The following WWC1 variants were observed in gnomAD, a reference collection of about 807,000 sequenced individuals.
WWC1 encodes the protein WW and C2 domain containing 1.
A neutral mutation model predicts 138.4 loss-of-function variants in WWC1; 55 were observed. That is an observed-to-expected ratio of 0.40 (90% CI 0.32 to 0.50). WWC1 has a LOEUF of 0.50. Among genes scored for constraint, WWC1 ranks in the 20% least tolerant of loss-of-function variants. The pLI is 0.72. For missense variants in WWC1, 1,226 were observed against 1,420.4 expected, an observed-to-expected ratio of 0.86 and a Z score of 2.20; for synonymous variants, 524 against 564.9, an observed-to-expected ratio of 0.93 and a Z score of 1.03.
chr5:168,415,815 C>CGGGTGTGTGTGTGT, intron 9 of WWC1: 1 of 6,564 alleles, frequency 1.5e-4, no homozygotes, highest in Non-Finnish European at 2.3e-4. Context: ...GGGGGGGGGG[C>CGGGTGTGTGTGTGT]GTGTGTGTGT....
intron 1 of WWC1, among the ~76,000 whole-genome samples, chr5:168,362,124 CATTT>C (rs1360979306): frequency 2.0e-5 from 3 of 149,020 alleles, no homozygotes; most frequent in African/African-American, 7.3e-5. Flanking sequence ...GAATCACTCA[CATTT>C]ATCAAGCACT....
At chr5:168,446,837 C>A (rs960687396) in intron 17 of WWC1, among the ~76,000 whole-genome samples, 2 of 152,206 alleles carry the variant, frequency 1.3e-5, no homozygotes, top group African/African-American at 2.4e-5. Flanking sequence ...AAGGAACGTT[C>A]CTCACTACTG....
At chr5:168,325,291 G>T (rs535493459) in intron 1 of WWC1, among the ~76,000 whole-genome samples, 1 of 152,208 alleles carries the variant, frequency 6.6e-6, no homozygotes, top group Non-Finnish European at 1.5e-5. Flanking sequence ...CCAAGCTCAC[G>T]TGTGATGCCA....
intron 9 of WWC1, 108 bp from the exon 10 acceptor site, chr5:168,421,900 A>G: frequency 2.3e-6 from 2 of 882,662 alleles, no homozygotes; most frequent in Non-Finnish European, 1.8e-6. Flanking sequence ...GCCGTGGTCA[A>G]ATGCTTTACG....
In WWC1 at chr5:168,292,695, G is replaced by A. The variant is rs71603855; in HGVS notation, c.119+424G>A. ...GTGGGGGGTGGGCGGATGGGGATGG[G>A]GAAGTGTCCGGTTAGAGGGGGTGGT... On this transcript the variant is annotated intron_variant, in intron 1 of 22. Coordinates refer to ENST00000265293, the MANE Select transcript of WWC1 (RefSeq NM_015238.3). The surrounding 1 kb of genome is among the most constrained non-coding windows in gnomAD (Gnocchi z 4.4). 1.0e-3 allele frequency among the ~76,000 whole-genome samples: 158 copies of A among 152,280 alleles called. No individual in the cohort carries two copies. The highest frequency in any genetic ancestry group is 7.9e-3 in the South Asian group (38 of 4,818).
At chr5:168,415,107 G>C (rs969160054) in intron 9 of WWC1, 1 of 162,336 alleles carries the variant, frequency 6.2e-6, no homozygotes, top group Non-Finnish European at 1.4e-5. Context: ...ACACTGGTCT[G>C]GATAGGGGTT....
At chr5:168,308,045 A>G (rs993805443) in intron 1 of WWC1, among the ~76,000 whole-genome samples, 2 of 152,306 alleles carry the variant, frequency 1.3e-5, no homozygotes, top group Admixed American at 6.5e-5. Context: ...GGTCTGCAGC[A>G]TTCCTGCTTG....
chr5:168,445,308 CAAAAG>C (rs919665713), intron 17 of WWC1, among the ~76,000 whole-genome samples: 1 of 150,928 alleles, frequency 6.6e-6, no homozygotes, highest in African/African-American at 2.4e-5. Context: ...AGCAAAAAAA[CAAAAG>C]AAAGAAGAAG....
chr5:168,386,588 G>A (rs1778068716), intron 3 of WWC1, among the ~76,000 whole-genome samples: 1 of 151,666 alleles, frequency 6.6e-6, no homozygotes, highest in Non-Finnish European at 1.5e-5. Flanking sequence ...GTAGAGACGG[G>A]GTTTCACTGT....
chr5:168,357,501 C>CGT (rs1561653148), intron 1 of WWC1, among the ~76,000 whole-genome samples: 5 of 140,566 alleles, frequency 3.6e-5, no homozygotes, highest in Non-Finnish European at 7.4e-5. Flanking sequence ...TGTGCGCGCG[C>CGT]GCACGCATGC....
chr5:168,365,668 G>C (rs1034335086), intron 1 of WWC1, among the ~76,000 whole-genome samples: 25 of 152,286 alleles, frequency 1.6e-4, no homozygotes, highest in African/African-American at 5.3e-4. Context: ...CCCCGGGGTG[G>C]CTCTCCCCGA....
At chr5:168,413,681 A>G (rs890613243) in intron 8 of WWC1, among the ~76,000 whole-genome samples, 2 of 152,196 alleles carry the variant, frequency 1.3e-5, no homozygotes, top group Admixed American at 6.5e-5. Flanking sequence ...TCTGACCCCA[A>G]ATCCACAGTT....
chr5:168,458,078 G>A (rs193129458), intron 19 of WWC1, among the ~76,000 whole-genome samples: 5 of 152,306 alleles, frequency 3.3e-5, no homozygotes, highest in Admixed American at 1.3e-4. Flanking sequence ...TGGGAGGTTG[G>A]CTTTGTTTCC....
In WWC1 at chr5:168,464,745, C is replaced by A; in HGVS notation, c.2933C>A (p.Ser978Ter). The A allele has an allele frequency of 6.2e-7, 1 of 1,614,154 alleles. No homozygotes were observed. Among genetic ancestry groups the A allele is most frequent in the Non-Finnish European group, 8.5e-7 (1 of 1,180,036 alleles). The stretch of plus-strand genomic sequence containing the variant: ...CCCCCACAGCCTTCCTCGGTCAAGT[C>A]GCTGCGCTCCGAGCGTCTGATCCGT... ...VRMKRPSSVK[S>*]LRSERLIRTS... The change falls in exon 21 of 23, where the codon TCG becomes TAG. Residue 978 changes from serine (S) to a stop codon, truncating the protein, a stop_gained. Transcript: ENST00000265293. LOFTEE classifies it high-confidence loss of function.
chr5:168,424,125 T>A lies in WWC1; in HGVS notation c.1810+57T>A, dbSNP rs1384181608. 2.9e-5 allele frequency: 44 copies of A among 1,523,216 alleles called. No homozygotes were observed. In the South Asian group the frequency reaches 5.0e-4, roughly 17 times the overall value. 94.4% of individuals were successfully genotyped at this position (1,523,216 alleles called of 1,614,324 possible). The stretch of plus-strand genomic sequence containing the variant: ...CAGGAGGAGGGAAAGAGATACTCTG[T>A]GCTCAGAACCCCCCAGTGATCATTC... On this transcript the variant is annotated intron_variant, in intron 11 of 22. Transcript: ENST00000265293.
chr5:168,356,102 G>A (rs1240303758), intron 1 of WWC1, among the ~76,000 whole-genome samples: 1 of 152,238 alleles, frequency 6.6e-6, no homozygotes, highest in Non-Finnish European at 1.5e-5. Flanking sequence ...GTAGGACATG[G>A]AGAGTGAACA....
chr5:168,319,372 A>T (rs1436695553), intron 1 of WWC1, among the ~76,000 whole-genome samples: 2 of 152,218 alleles, frequency 1.3e-5, no homozygotes, highest in Admixed American at 6.5e-5. Context: ...GTAAGCCGAG[A>T]TTGCAACACT....
intron 1 of WWC1, among the ~76,000 whole-genome samples, chr5:168,311,825 C>T (rs533404608): frequency 9.9e-4 from 145 of 146,086 alleles, no homozygotes; most frequent in Non-Finnish European, 8.7e-4. Context: ...TGCAGTAAGC[C>T]GAGATTGTGC....
At chr5:168,407,611 T>C (rs1280466580) in intron 6 of WWC1, among the ~76,000 whole-genome samples, 1 of 152,192 alleles carries the variant, frequency 6.6e-6, no homozygotes, top group Non-Finnish European at 1.5e-5. Context: ...GTTCCTGTTA[T>C]GATTAGTGGT....
Sources: gnomAD v4.1 joint callset for allele counts (sites outside exome capture counted in the v4.1 genomes callset) on GRCh38, gnomAD v4.1.1 for gene constraint, Gnocchi (gnomAD v3.1) non-coding constraint, MANE v1.5 for transcripts, NCBI Gene and HGNC (gene_info 2026-07-23, HGNC 2026-07-21) for gene names.